The following WDR20 variants were observed in gnomAD, a reference collection of about 807,000 sequenced individuals.
The protein encoded by WDR20 is WD repeat-containing protein 20.
WDR20 carries 3 observed loss-of-function variants against 38.7 expected under a neutral mutation model. The ratio of observed to expected loss-of-function variants is 0.08; its 90% CI spans 0.04 to 0.20. WDR20 has a LOEUF of 0.20. WDR20 is among the 10% of genes least tolerant of loss of function. The pLI is 1.00. For missense variants in WDR20, 559 were observed against 727.7 expected (o/e 0.77, Z 2.67); for synonymous variants, 298 against 285.6 (o/e 1.04, Z -0.44).
chr14:102,178,261 A>G (rs2062596826), intron 1 of WDR20, among the ~76,000 whole-genome samples: 1 of 151,956 alleles, frequency 6.6e-6, no homozygotes, highest in African/African-American at 2.4e-5. Flanking sequence ...GTGTGGTGGC[A>G]TGAGCCTGTA....
chr14:102,177,427 G>A (rs2062396298), intron 1 of WDR20, among the ~76,000 whole-genome samples: 1 of 152,200 alleles, frequency 6.6e-6, no homozygotes, highest in Non-Finnish European at 1.5e-5. Flanking sequence ...CCTGTACTGT[G>A]ACACTGGGTT....
At chr14:102,163,223 G>T (rs2059114201) in intron 1 of WDR20, among the ~76,000 whole-genome samples, 1 of 152,100 alleles carries the variant, frequency 6.6e-6, no homozygotes, top group Non-Finnish European at 1.5e-5. Context: ...CTGTCTCTGT[G>T]TTGGGCACTT....
intron 2 of WDR20, among the ~76,000 whole-genome samples, chr14:102,195,420 G>A (rs781483328): frequency 3.9e-5 from 6 of 152,182 alleles, no homozygotes; most frequent in Admixed American, 2.6e-4. Context: ...TATAATTTAA[G>A]TAAGAAAATG....
At chr14:102,154,550 A>G (rs534298799) in intron 1 of WDR20, among the ~76,000 whole-genome samples, 2 of 152,312 alleles carry the variant, frequency 1.3e-5, no homozygotes, top group South Asian at 2.1e-4. Flanking sequence ...CATTCAGACC[A>G]TAGCACTGGT....
chr14:102,201,347 T>C (rs563082480), intron 2 of WDR20, among the ~76,000 whole-genome samples: 3 of 152,310 alleles, frequency 2.0e-5, no homozygotes, highest in Admixed American at 6.5e-5. Flanking sequence ...TTTTTGATTT[T>C]TGCTTATCAT....
At chr14:102,185,098 CCTT>C (rs2064305898) in intron 1 of WDR20, among the ~76,000 whole-genome samples, 1 of 152,190 alleles carries the variant, frequency 6.6e-6, no homozygotes, top group Admixed American at 6.5e-5. Flanking sequence ...CTGCTGCTGT[CCTT>C]CTGCAGGAAA....
chr14:102,214,988 G>C (rs1039290576), downstream of WDR20: 1 of 984,528 alleles, frequency 1.0e-6, no homozygotes. Context: ...AAATAAACGT[G>C]TGTGAGTGAA....
chr14:102,163,399 G>A (rs1348921655), intron 1 of WDR20, among the ~76,000 whole-genome samples: 2 of 151,946 alleles, frequency 1.3e-5, no homozygotes, highest in South Asian at 2.1e-4. Context: ...AGGCCGAGGC[G>A]GGCGGATCAC....
downstream of WDR20, chr14:102,214,755 G>A (rs2063004841): frequency 1.1e-5 from 11 of 978,828 alleles, no homozygotes; most frequent in Non-Finnish European, 1.2e-5. Flanking sequence ...ATTTCATAAA[G>A]AGCCTTCCTA....
chr14:102,166,225 C>T (rs1406433512), intron 1 of WDR20, among the ~76,000 whole-genome samples: 1 of 151,944 alleles, frequency 6.6e-6, no homozygotes, highest in Non-Finnish European at 1.5e-5. Flanking sequence ...GCGATCTGCC[C>T]GTCTCAGCCT....
At chr14:102,160,480 T>A (rs2058380739) in intron 1 of WDR20, among the ~76,000 whole-genome samples, 1 of 152,158 alleles carries the variant, frequency 6.6e-6, no homozygotes, top group Non-Finnish European at 1.5e-5. Flanking sequence ...ATACTGTGTA[T>A]GGTATTTTAC....
chr14:102,172,420 G>A (rs1374195654), intron 1 of WDR20, among the ~76,000 whole-genome samples: 1 of 151,440 alleles, frequency 6.6e-6, no homozygotes, highest in Non-Finnish European at 1.5e-5. Flanking sequence ...ATGAGCTGTT[G>A]GGCACACCTC....
downstream of WDR20, chr14:102,213,045 C>T: frequency 3.0e-6 from 3 of 990,256 alleles, no homozygotes; most frequent in East Asian, 1.1e-4. Context: ...GAGCTGGTCC[C>T]TGGGCGGTGT....
intron 1 of WDR20, among the ~76,000 whole-genome samples, chr14:102,160,370 C>T (rs763265725): frequency 3.3e-5 from 5 of 152,118 alleles, no homozygotes; most frequent in Non-Finnish European, 5.9e-5. Context: ...AGCTCCCTTC[C>T]TCTAACTATA....
Position 102,208,529 on chromosome 14 carries a change from C to T in WDR20, c.433-74C>T. 1 of 1,514,814 alleles carries T rather than the reference C, an allele frequency of 6.6e-7. No homozygotes were observed. The highest frequency in any genetic ancestry group is 8.8e-7 in the Non-Finnish European group (1 of 1,133,820). The allele number at this position is 1,514,814 out of a possible 1,614,324, so 93.8% of individuals were successfully genotyped here. A position where few individuals can be genotyped will look rare whatever the true frequency, so the allele number is the denominator to read the frequency against. ...TTGCCCCTTCCCATCGAGAAGCACA[C>T]AAGTTTTCTTGCTGGAAAAGTAGAC... On this transcript the variant is annotated intron_variant, in intron 2 of 2. Transcript: ENST00000342702. This position sits in a 1 kb window ranked among gnomAD's most constrained non-coding sequence, Gnocchi z 5.6.
At chr14:102,213,365 C>T (rs1597084583), downstream of WDR20, 1 of 985,452 alleles carries the variant, frequency 1.0e-6, no homozygotes, top group South Asian at 4.7e-5. Flanking sequence ...TCGAAATTTG[C>T]TTAAATCATG....
At chr14:102,157,950 C>T (rs977597741) in intron 1 of WDR20, among the ~76,000 whole-genome samples, 2 of 151,678 alleles carry the variant, frequency 1.3e-5, no homozygotes, top group African/African-American at 4.9e-5. Flanking sequence ...AGTGTATTGT[C>T]CTCCTTTAGG....
At chr14:102,216,866 G>C (rs1292828049), downstream of WDR20, among the ~76,000 whole-genome samples, 1 of 152,210 alleles carries the variant, frequency 6.6e-6, no homozygotes, top group Non-Finnish European at 1.5e-5. Flanking sequence ...CCAGGAGGTG[G>C]AGGTTGCAAT....
intron 1 of WDR20, chr14:102,193,590 G>T: frequency 6.9e-7 from 1 of 1,450,252 alleles, no homozygotes; most frequent in Non-Finnish European, 9.5e-7. Context: ...ACTTGTTACC[G>T]CTCAGGTCCA....
Sources: allele counts gnomAD v4.1 joint callset (sites outside exome capture counted in the v4.1 genomes callset), GRCh38; gene constraint gnomAD v4.1.1; non-coding constraint Gnocchi (gnomAD v3.1); transcripts MANE v1.5; gene names NCBI Gene and HGNC (gene_info 2026-07-23, HGNC 2026-07-21).